The following DMD variants were observed in gnomAD, a reference collection of about 807,000 sequenced individuals.
DMD encodes dystrophin, also known as mutant dystrophin.
In DMD, 63 loss-of-function variants were observed where a neutral mutation model predicts 330.1. The ratio of observed to expected loss-of-function variants is 0.19; its 90% CI spans 0.16 to 0.24. The LOEUF (loss-of-function observed/expected upper bound fraction) is 0.24. Among genes scored for constraint, DMD ranks in the 10% least tolerant of loss-of-function variants. The probability of loss-of-function intolerance (pLI) is 1.00; values close to 1 mark genes in which losing one functional copy is unlikely to be tolerated. For missense variants in DMD, 3,344 were observed against 2,684.1 expected (o/e 1.25, Z -5.43); for synonymous variants, 1,223 against 959.8 (o/e 1.27, Z -5.07).
rs192914448 is a variant in DMD, at chrX:31,793,769, T to C, written c.7310-19577A>G. ...TTCACACCATTGTAAAATAAAAATATCCTAAGCCGAACCATTGTAAATCAA... is the reference window on the plus strand; with the variant it reads ...TTCACACCATTGTAAAATAAAAATACCCTAAGCCGAACCATTGTAAATCAA... On this transcript the variant is annotated intron_variant, in intron 50 of 78. Transcript: ENST00000357033. Among the ~76,000 whole-genome samples the C allele has an allele frequency of 1.6e-4, 18 of 112,313 alleles. No individual in the cohort carries two copies. The East Asian group carries it at 5.0e-3, about 31-fold the overall frequency.
intron 1 of DMD, among the ~76,000 whole-genome samples, chrX:33,267,994 T>TTG (rs1228245770): frequency 1.5e-5 from 1 of 68,409 alleles, no homozygotes; most frequent in African/African-American, 1.3e-4. Context: ...GCATTGGCAA[T>TTG]TTTTTTTTTT....
chrX:31,885,628 A>AAAAAAAAAAG (rs1569497269), intron 47 of DMD, among the ~76,000 whole-genome samples: 18 of 75,708 alleles, frequency 2.4e-4, no homozygotes, highest in Non-Finnish European at 3.0e-4. Flanking sequence ...AAAAAAAAAA[A>AAAAAAAAAAG]AAAAAAAAAG....
At chrX:33,183,580 T>C (rs2050100265) in intron 1 of DMD, among the ~76,000 whole-genome samples, 1 of 111,521 alleles carries the variant, frequency 9.0e-6, no homozygotes, top group South Asian at 3.7e-4. Context: ...ACTGAGACTT[T>C]AGAGTTGAAC....
In DMD at chrX:32,209,950, C is replaced by T. The variant is rs779486350; in HGVS notation, c.6438+6966G>A. 5.4e-5 allele frequency among the ~76,000 whole-genome samples: 6 copies of T among 111,508 alleles called. No individual in the cohort carries two copies. In the East Asian group the frequency reaches 8.4e-4, roughly 16 times the overall value. ...ATGGGCAAGGATTGAAAGCCCCTCT[C>T]GGAATTTCTGCCTGGTACCACACTC... On this transcript the variant is annotated intron_variant, in intron 44 of 78. Transcript: ENST00000357033.
intron 7 of DMD, among the ~76,000 whole-genome samples, chrX:32,730,161 T>C (rs1047630831): frequency 9.0e-6 from 1 of 111,664 alleles, no homozygotes; most frequent in Non-Finnish European, 1.9e-5. Flanking sequence ...AGCAAGACCC[T>C]GTCTCTACAA....
intron 16 of DMD, among the ~76,000 whole-genome samples, chrX:32,550,361 A>G (rs921394179): frequency 8.9e-6 from 1 of 111,953 alleles, no homozygotes; most frequent in African/African-American, 3.2e-5. Flanking sequence ...TTAAAATGGA[A>G]ATCAAACAAA....
intron 55 of DMD, among the ~76,000 whole-genome samples, chrX:31,525,482 CAT>C (rs1442753314): frequency 5.4e-5 from 6 of 111,534 alleles, no homozygotes; most frequent in Non-Finnish European, 3.8e-5. Context: ...TGAAATAACT[CAT>C]GTGTTTTAAA....
chrX:31,936,066 T>C (rs1179184853), intron 45 of DMD, among the ~76,000 whole-genome samples: 2 of 111,241 alleles, frequency 1.8e-5, no homozygotes, highest in Non-Finnish European at 3.8e-5. Flanking sequence ...TCTCTGTAGG[T>C]CATTAATTAC....
intron 2 of DMD, among the ~76,000 whole-genome samples, chrX:32,938,964 T>C (rs1698936569): frequency 9.1e-6 from 1 of 109,936 alleles, no homozygotes; most frequent in Non-Finnish European, 1.9e-5. Flanking sequence ...AGAAAAAAAA[T>C]AGTTGTTGCA....
chrX:32,109,430 A>G (rs753952472), intron 44 of DMD, among the ~76,000 whole-genome samples: 2 of 111,644 alleles, frequency 1.8e-5, no homozygotes, highest in South Asian at 7.4e-4. Context: ...ATAACATAAG[A>G]AAATGGGAAA....
At chrX:31,645,238 T>C (rs2080014343) in intron 54 of DMD, among the ~76,000 whole-genome samples, 1 of 111,818 alleles carries the variant, frequency 8.9e-6, no homozygotes, top group Non-Finnish European at 1.9e-5. Context: ...AAGATATCCC[T>C]GATTACTTCG....
chrX:31,183,403 T>C (rs2041371211), intron 67 of DMD, among the ~76,000 whole-genome samples: 1 of 110,487 alleles, frequency 9.1e-6, no homozygotes, highest in African/African-American at 3.3e-5. Flanking sequence ...GCAAACTGAT[T>C]TTGTAGACCA....
chrX:31,819,846 C>T lies in DMD; in HGVS notation c.7309+129G>A. On this transcript the variant is annotated intron_variant, in intron 50 of 78. Coordinates refer to ENST00000357033, the MANE Select transcript of DMD (RefSeq NM_004006.3). ...TGTACTCTAAGACTTTTTGCACAGT[C>T]AATAACACAAAGGTTTATCTCTATC... 7.2e-6 allele frequency: 4 copies of T among 557,783 alleles called. No homozygotes were observed. The South Asian group carries it at 1.0e-4, about 15-fold the overall frequency. 46.0% of individuals were successfully genotyped at this position (557,783 alleles called of 1,213,427 possible). A position where few individuals can be genotyped will look rare whatever the true frequency, so the allele number is the denominator to read the frequency against.
At chrX:32,641,307 C>G (rs73467342) in intron 11 of DMD, among the ~76,000 whole-genome samples, 2,802 of 107,963 alleles carry the variant, frequency 0.026, 94 homozygotes, top group African/African-American at 0.087. Flanking sequence ...TGGGGCCAGA[C>G]CTTGTATGAT....
chrX:31,829,108 T>C (rs1035223671), intron 49 of DMD, among the ~76,000 whole-genome samples: 3 of 111,613 alleles, frequency 2.7e-5, no homozygotes, highest in Non-Finnish European at 5.6e-5. Flanking sequence ...CTATTCCAAG[T>C]AAAGTAACTC....
intron 2 of DMD, among the ~76,000 whole-genome samples, chrX:33,013,536 G>T (rs956320462): frequency 9.0e-6 from 1 of 111,696 alleles, no homozygotes; most frequent in African/African-American, 3.2e-5. Flanking sequence ...CAAACAGGAA[G>T]CCAGGGGCAC....
At chrX:31,280,972 A>G (rs1168603622) in intron 62 of DMD, among the ~76,000 whole-genome samples, 1 of 111,993 alleles carries the variant, frequency 8.9e-6, no homozygotes, top group Admixed American at 9.5e-5. Context: ...ATATTTAGTT[A>G]AAATATGCTT....
chrX:31,712,236 G>A (rs1006973095), intron 52 of DMD, among the ~76,000 whole-genome samples: 53 of 111,894 alleles, frequency 4.7e-4, no homozygotes, highest in African/African-American at 1.7e-3. Context: ...GGATAGAGAA[G>A]TAATTCGCCA....
At chrX:32,821,338 A>C (rs938818397) in intron 5 of DMD, among the ~76,000 whole-genome samples, 3 of 111,296 alleles carry the variant, frequency 2.7e-5, no homozygotes, top group Admixed American at 9.6e-5. Context: ...CAATCCCAGC[A>C]CTTTGGGAGG....
Sources: allele counts gnomAD v4.1 joint callset (sites outside exome capture counted in the v4.1 genomes callset), GRCh38; gene constraint gnomAD v4.1.1; transcripts MANE v1.5; gene names NCBI Gene and HGNC (gene_info 2026-07-23, HGNC 2026-07-21).